Variants in MARK2 observed in about 807,000 individuals in gnomAD.
The protein encoded by MARK2 is microtubule affinity regulating kinase 2.
MARK2 carries 16 observed loss-of-function variants against 89.8 expected under a neutral mutation model. That is an observed-to-expected ratio of 0.18 (90% CI 0.12 to 0.27). MARK2 has a LOEUF of 0.27. Ranked by LOEUF, MARK2 falls within the 10% of genes least tolerant of loss-of-function variation. MARK2 has a pLI of 1.00. For missense variants in MARK2, 621 were observed against 1,049.9 expected (o/e 0.59, Z 5.65); for synonymous variants, 382 against 399.5 (o/e 0.96, Z 0.52).
At chr11:63,898,950 T>C (rs1940641926) in intron 6 of MARK2, 102 bp from the exon 7 acceptor site, 1 of 1,224,706 alleles carries the variant, frequency 8.2e-7, no homozygotes, top group Non-Finnish European at 1.2e-6. Context: ...GCTCTGCTTA[T>C]CCGTGTGGCA....
rs374115223 is a variant in MARK2 at position 63,858,393 on chromosome 11, T to G, written c.54+18833T>G. Among the ~76,000 whole-genome samples the G allele has an allele frequency of 1.4e-3, 215 of 151,426 alleles. 1 individual carries two copies. The highest frequency in any genetic ancestry group is 4.9e-3 in the African/African-American group (202 of 41,222). On this transcript the variant is annotated intron_variant, in intron 1 of 18. Coordinates refer to ENST00000402010, the MANE Select transcript of MARK2 (RefSeq NM_001039469.3). The stretch of plus-strand genomic sequence containing the variant: ...TTTTTTTTTTGAGACAGTGTCTCAC[T>G]CTATCACCCAGGCTGGAGTGCAATG...
At chr11:63,882,567 G>C in intron 1 of MARK2, 1 of 152,252 alleles carries the variant, frequency 6.6e-6, no homozygotes, top group Middle Eastern at 3.4e-3. Context: ...CTGGGCAACA[G>C]GAGCGAAACT....
intron 1 of MARK2, among the ~76,000 whole-genome samples, chr11:63,888,186 G>C (rs1437573896): frequency 6.6e-6 from 1 of 152,052 alleles, no homozygotes; most frequent in African/African-American, 2.4e-5. Context: ...GAAGTAGGAG[G>C]TCCGTCCGCC....
intron 1 of MARK2, among the ~76,000 whole-genome samples, chr11:63,885,437 G>A (rs1371933656): frequency 5.3e-5 from 8 of 151,556 alleles, no homozygotes. Context: ...TATTCGGGAG[G>A]CTGAGGTGGG....
intron 1 of MARK2, among the ~76,000 whole-genome samples, chr11:63,881,262 G>A (rs1220829702): frequency 1.3e-5 from 2 of 151,998 alleles, no homozygotes; most frequent in Non-Finnish European, 2.9e-5. Flanking sequence ...CCGAGATCAC[G>A]CCACTGCACT....
intron 1 of MARK2, among the ~76,000 whole-genome samples, chr11:63,854,715 A>G (rs889498506): frequency 4.0e-5 from 6 of 150,842 alleles, no homozygotes; most frequent in African/African-American, 1.5e-4. Flanking sequence ...GGTGCCTGTA[A>G]TGTCAGCTAC....
intron 1 of MARK2, among the ~76,000 whole-genome samples, chr11:63,876,291 TAC>T (rs1938750324): frequency 6.6e-6 from 1 of 152,252 alleles, no homozygotes; most frequent in Non-Finnish European, 1.5e-5. Context: ...CTTTTGGAGA[TAC>T]AGAGAATTCG....
In MARK2 at chr11:63,877,100, CTTTTTTTTTTT is replaced by C. The variant is rs757123411; in HGVS notation, c.55-18042_55-18032del. On this transcript the variant is annotated intron_variant, in intron 1 of 18. Coordinates refer to ENST00000402010, the MANE Select transcript of MARK2 (RefSeq NM_001039469.3). ...TCTTAGAAACCAGTTCAATCAGACT[CTTTTTTTTTTT>C]TTTTTTTTTTTTTTTTGAGACGGAG... Among the ~76,000 whole-genome samples the C allele has an allele frequency of 2.0e-4, 16 of 79,526 alleles. 1 individual carries two copies. Among genetic ancestry groups the C allele is most frequent in the East Asian group, 1.2e-3 (2 of 1,608 alleles). 52.2% of individuals were successfully genotyped at this position (79,526 alleles called of 152,430 possible).
intron 17 of MARK2, among the ~76,000 whole-genome samples, chr11:63,907,611 G>C (rs1003050685): frequency 1.3e-5 from 2 of 148,160 alleles, no homozygotes; most frequent in Admixed American, 1.3e-4. Flanking sequence ...TCCTCCCTGC[G>C]TATGAGCAGA....
intron 1 of MARK2, among the ~76,000 whole-genome samples, chr11:63,840,611 C>G (rs1460238469): frequency 6.6e-6 from 1 of 152,198 alleles, no homozygotes; most frequent in Non-Finnish European, 1.5e-5. Context: ...TATTTTCTTT[C>G]TTGCTTGTTG....
At chr11:63,850,756 T>C (rs962981527) in intron 1 of MARK2, among the ~76,000 whole-genome samples, 13 of 152,122 alleles carry the variant, frequency 8.5e-5, no homozygotes, top group African/African-American at 3.1e-4. Flanking sequence ...AGCCCTAGGG[T>C]GGTTCTCTGC....
At chr11:63,884,242 G>T (rs977081620) in intron 1 of MARK2, among the ~76,000 whole-genome samples, 6 of 152,238 alleles carry the variant, frequency 3.9e-5, no homozygotes, top group African/African-American at 1.4e-4. Flanking sequence ...TAAAGCCCTG[G>T]TTGCTCAGTA....
At chr11:63,890,707 G>A (rs1315224622) in intron 1 of MARK2, among the ~76,000 whole-genome samples, 3 of 152,244 alleles carry the variant, frequency 2.0e-5, no homozygotes, top group South Asian at 2.1e-4. Context: ...GATTTGGAAG[G>A]TTGTTTTGAC....
chr11:63,904,734 G>A lies in MARK2; in HGVS notation c.1677-52G>A. On this transcript the variant is annotated intron_variant, in intron 15 of 18. Transcript: ENST00000402010. The surrounding 1 kb of genome is among the most constrained non-coding windows in gnomAD (Gnocchi z 6.3). Reference sequence around the variant, plus strand: ...ACAGGGTGTCCAGGTGCCCAGTGATGGCTGTCCTGTACCCTAATTCGTCCC... The same window carrying A: ...ACAGGGTGTCCAGGTGCCCAGTGATAGCTGTCCTGTACCCTAATTCGTCCC... The A allele has an allele frequency of 6.4e-7, 1 of 1,572,290 alleles. No individual in the cohort carries two copies. Among genetic ancestry groups the A allele is most frequent in the Admixed American group, 1.7e-5 (1 of 59,466 alleles).
intron 1 of MARK2, among the ~76,000 whole-genome samples, chr11:63,881,473 G>A (rs1027770105): frequency 1.3e-5 from 2 of 152,290 alleles, no homozygotes; most frequent in Admixed American, 1.3e-4. Context: ...GGTCGAGAGT[G>A]GGGTCGAGAG....
At chr11:63,887,795 G>A (rs765421272) in intron 1 of MARK2, among the ~76,000 whole-genome samples, 12 of 152,182 alleles carry the variant, frequency 7.9e-5, no homozygotes, top group Non-Finnish European at 1.8e-4. Flanking sequence ...CAGATAGTGG[G>A]GGCTTAGCAG....
At chr11:63,883,823 G>T (rs1330089985) in intron 1 of MARK2, among the ~76,000 whole-genome samples, 2 of 152,154 alleles carry the variant, frequency 1.3e-5, no homozygotes, top group African/African-American at 4.8e-5. Flanking sequence ...CTAGGCTCAA[G>T]GGATCTGCCT....
Position 63,903,598 on chromosome 11 carries a change from GTGT to G in MARK2, c.1515-385_1515-383del, listed in dbSNP as rs1477507615. ...CAGCCTTCACCGGCCGCATTTCTTG[GTGT>G]TGCATTCCTGGCTCTATCTCTTCTG... On this transcript the variant is annotated intron_variant, in intron 14 of 18. Transcript: ENST00000402010. The surrounding 1 kb of genome is among the most constrained non-coding windows in gnomAD (Gnocchi z 5.1). Among the ~76,000 whole-genome samples the G allele has an allele frequency of 6.6e-6, 1 of 152,072 alleles. No homozygotes were observed. Among genetic ancestry groups the G allele is most frequent in the African/African-American group, 2.4e-5 (1 of 41,390 alleles).
rs1236325240 is a variant in MARK2 at position 63,903,685 on chromosome 11, G to A, written c.1515-301G>A. 6.6e-6 allele frequency among the ~76,000 whole-genome samples: 1 copy of A among 152,134 alleles called. No individual in the cohort carries two copies. The highest frequency in any genetic ancestry group is 1.5e-5 in the Non-Finnish European group (1 of 68,012). On this transcript the variant is annotated intron_variant, in intron 14 of 18. Transcript: ENST00000402010. This position sits in a 1 kb window ranked among gnomAD's most constrained non-coding sequence, Gnocchi z 5.1. ...CTCTTTCTGTAGAAGAAACTCTCCT[G>A]TTCTTAAAATTCTTAGGAGGCCAGT...
Sources: gnomAD v4.1 joint callset for allele counts (sites outside exome capture counted in the v4.1 genomes callset) on GRCh38, gnomAD v4.1.1 for gene constraint, Gnocchi (gnomAD v3.1) non-coding constraint, MANE v1.5 for transcripts, NCBI Gene and HGNC (gene_info 2026-07-23, HGNC 2026-07-21) for gene names.